IGF2BP3: variants seen among roughly 807,000 people sequenced by gnomAD.
The protein encoded by IGF2BP3 is insulin-like growth factor 2 mRNA-binding protein 3.
Under a neutral mutation model 73.8 loss-of-function variants are expected in IGF2BP3, and 9 were observed. The observed-to-expected ratio is 0.12, with a 90% CI of 0.07 to 0.21. The LOEUF (loss-of-function observed/expected upper bound fraction) is 0.21, where lower values mean the gene tolerates loss of function less well. Ranked by LOEUF, IGF2BP3 falls within the 10% of genes least tolerant of loss-of-function variation. IGF2BP3 has a pLI of 1.00. For missense variants in IGF2BP3, 542 were observed against 714.0 expected (o/e 0.76, Z 2.75); for synonymous variants, 258 against 256.7 (o/e 1.01, Z -0.05).
intron 12 of IGF2BP3, among the ~76,000 whole-genome samples, chr7:23,317,438 A>G (rs1003551337): frequency 1.3e-5 from 2 of 152,238 alleles, no homozygotes; most frequent in African/African-American, 4.8e-5. Flanking sequence ...AGGTAAATCC[A>G]GCAACCAGTA....
chr7:23,356,265 A>G (rs1785093516), intron 5 of IGF2BP3, among the ~76,000 whole-genome samples: 1 of 152,166 alleles, frequency 6.6e-6, no homozygotes, highest in Non-Finnish European at 1.5e-5. Flanking sequence ...CAGCTCTAAA[A>G]TTTCATGCCT....
chr7:23,403,439 T>C (rs1786730918), intron 3 of IGF2BP3, among the ~76,000 whole-genome samples: 1 of 152,216 alleles, frequency 6.6e-6, no homozygotes, highest in African/African-American at 2.4e-5. Context: ...TTTTAAATTA[T>C]AGATATATAT....
At chr7:23,393,478 G>A (rs1256826900) in intron 3 of IGF2BP3, among the ~76,000 whole-genome samples, 1 of 152,130 alleles carries the variant, frequency 6.6e-6, no homozygotes, top group African/African-American at 2.4e-5. Flanking sequence ...TAGACCTGTA[G>A]CAAGTACTAT....
intron 8 of IGF2BP3, 56 bp from the exon 9 acceptor site, chr7:23,343,909 A>C (rs1784771323): frequency 1.3e-6 from 2 of 1,571,368 alleles, no homozygotes; most frequent in Non-Finnish European, 1.7e-6. Context: ...GAAGACAGCT[A>C]ATAATTCAGC....
In IGF2BP3 at chr7:23,469,238, G is replaced by A. The variant is rs1418839204; in HGVS notation, c.176-696C>T. ...CCCTCGCCCTGGCGGAGCCATACCC[G>A]GAGGCCGCAGCCCCGCGCCAGGGCC... On this transcript the variant is annotated intron_variant, in intron 1 of 14. Coordinates refer to ENST00000258729, the MANE Select transcript of IGF2BP3 (RefSeq NM_006547.3). This position sits in a 1 kb window ranked among gnomAD's most constrained non-coding sequence, Gnocchi z 6.1. 6.6e-6 allele frequency: 1 copy of A among 152,340 alleles called. No homozygotes were observed. The highest frequency in any genetic ancestry group is 2.4e-5 in the African/African-American group (1 of 41,476). The allele number at this position is 152,340 out of a possible 1,614,324, so 9.4% of individuals were successfully genotyped here.
rs80193411 is a variant in IGF2BP3, at chr7:23,335,567, G to A, written c.1203+6497C>T. ...GCTGGGATTACAGGCATAAACCACC[G>A]CGCCTGGCCCTTTGTTTCTTAAAGA... is the stretch of plus-strand genomic sequence containing the variant. On this transcript the variant is annotated intron_variant, in intron 10 of 14. Transcript: ENST00000258729. 8.4e-3 allele frequency among the ~76,000 whole-genome samples: 1,271 copies of A among 151,440 alleles called. 19 individuals carry two copies. The highest frequency in any genetic ancestry group is 0.029 in the African/African-American group (1,190 of 41,206).
At chr7:23,426,588 G>C (rs1439930099) in intron 2 of IGF2BP3, among the ~76,000 whole-genome samples, 1 of 152,126 alleles carries the variant, frequency 6.6e-6, no homozygotes, top group African/African-American at 2.4e-5. Context: ...CTAAAATGCT[G>C]TCATTTGTCT....
chr7:23,467,386 A>C (rs1475311670), intron 2 of IGF2BP3, among the ~76,000 whole-genome samples: 2 of 152,208 alleles, frequency 1.3e-5, no homozygotes, highest in Non-Finnish European at 2.9e-5. Context: ...AGATACACGC[A>C]GCCCTGATTT....
intron 2 of IGF2BP3, among the ~76,000 whole-genome samples, chr7:23,439,554 C>CAAAAAAAAAAAAA (rs11332929): frequency 1.8e-5 from 1 of 56,724 alleles, no homozygotes. Flanking sequence ...GACTCCGTCT[C>CAAAAAAAAAAAAA]AAAAAAAAAA....
At chr7:23,380,753 AC>A (rs1785885243) in intron 3 of IGF2BP3, among the ~76,000 whole-genome samples, 1 of 152,186 alleles carries the variant, frequency 6.6e-6, no homozygotes, top group South Asian at 2.1e-4. Flanking sequence ...ACGGACACAC[AC>A]AGGGAGAACA....
chr7:23,389,102 C>T (rs188475859), intron 3 of IGF2BP3, among the ~76,000 whole-genome samples: 10,141 of 151,526 alleles, frequency 0.067, 576 homozygotes, highest in African/African-American at 0.15. Context: ...TTAAAAAGAC[C>T]TACTAATTCA....
rs1312573585 is a variant in IGF2BP3, at chr7:23,469,674, C to T, written c.175+262G>A. ...AGCGCGCCTCCCCCAGCCCCGCGCC[C>T]CCCTTAGCCAGCGCCGGGGCTTTCT... On this transcript the variant is annotated intron_variant, in intron 1 of 14. Coordinates refer to ENST00000258729, the MANE Select transcript of IGF2BP3 (RefSeq NM_006547.3). This position sits in a 1 kb window ranked among gnomAD's most constrained non-coding sequence, Gnocchi z 6.1. Among the ~76,000 whole-genome samples, 1 of 151,628 alleles carries T rather than the reference C, an allele frequency of 6.6e-6. No individual in the cohort carries two copies. The highest frequency in any genetic ancestry group is 2.4e-5 in the African/African-American group (1 of 41,346).
chr7:23,423,823 A>G (rs765329347), intron 2 of IGF2BP3, among the ~76,000 whole-genome samples: 2 of 152,296 alleles, frequency 1.3e-5, no homozygotes, highest in Middle Eastern at 3.4e-3. Flanking sequence ...CATTTGCATT[A>G]ATTTTAAAAA....
chr7:23,321,807 G>A (rs1784161633), intron 10 of IGF2BP3, among the ~76,000 whole-genome samples: 2 of 152,290 alleles, frequency 1.3e-5, no homozygotes, highest in East Asian at 1.9e-4. Context: ...CCCCCAGCAG[G>A]GGCACACTGA....
At chr7:23,357,410 A>G (rs78503057) in intron 5 of IGF2BP3, among the ~76,000 whole-genome samples, 2,989 of 152,272 alleles carry the variant, frequency 0.02, 55 homozygotes, top group Non-Finnish European at 0.033. Flanking sequence ...GAAGTTTCAA[A>G]GTATGAATAA....
chr7:23,462,871 C>T (rs775146412), intron 2 of IGF2BP3, among the ~76,000 whole-genome samples: 26 of 152,140 alleles, frequency 1.7e-4, no homozygotes, highest in Non-Finnish European at 3.1e-4. Context: ...ATACATTACA[C>T]CCTTAATTTT....
intron 3 of IGF2BP3, among the ~76,000 whole-genome samples, chr7:23,404,352 T>C (rs1786762364): frequency 6.6e-6 from 1 of 152,118 alleles, no homozygotes; most frequent in African/African-American, 2.4e-5. Context: ...TATCAGTCAT[T>C]ACCATTAGCC....
rs150079717 is a variant in IGF2BP3, at chr7:23,320,192, G to A, written c.1204-938C>T. Among the ~76,000 whole-genome samples the A allele has an allele frequency of 1.5e-4, 23 of 152,066 alleles. 1 individual carries two copies. Among genetic ancestry groups the A allele is most frequent in the African/African-American group, 2.4e-4 (10 of 41,496 alleles). On this transcript the variant is annotated intron_variant, in intron 10 of 14. Transcript: ENST00000258729. ...CTCCCAAAGTGCTGGGATTACAGGC[G>A]TGAGCCACTGCGCCCAGCCCCCTTT...
rs369388641 is a variant in IGF2BP3 at position 23,408,905 on chromosome 7, G to A, written c.285+9871C>T. ...AAATTCTGACACATACTACGACAGC[G>A]GTCCCCAACTATTTTCGCACCAGGG... On this transcript the variant is annotated intron_variant, in intron 3 of 14. Coordinates refer to ENST00000258729, the MANE Select transcript of IGF2BP3 (RefSeq NM_006547.3). Among the ~76,000 whole-genome samples, 36 of 152,184 alleles carry A rather than the reference G, an allele frequency of 2.4e-4. 1 individual carries two copies. Among genetic ancestry groups the A allele is most frequent in the Admixed American group, 9.8e-4 (15 of 15,276 alleles).
Sources: gnomAD v4.1 joint callset for allele counts (sites outside exome capture counted in the v4.1 genomes callset) on GRCh38, gnomAD v4.1.1 for gene constraint, Gnocchi (gnomAD v3.1) non-coding constraint, MANE v1.5 for transcripts, NCBI Gene and HGNC (gene_info 2026-07-23, HGNC 2026-07-21) for gene names.